The following SLCO4C1 variants were observed in gnomAD, a reference collection of about 807,000 sequenced individuals.
SLCO4C1 encodes solute carrier organic anion transporter family member 4C1.
SLCO4C1 carries 58 observed loss-of-function variants against 72.1 expected under a neutral mutation model. The ratio of observed to expected loss-of-function variants is 0.80; its 90% CI spans 0.65 to 1.00. The LOEUF (loss-of-function observed/expected upper bound fraction) is 1.00, where lower values mean the gene tolerates loss of function less well. Among genes scored for constraint, SLCO4C1 ranks in the 50% least tolerant of loss-of-function variants. The pLI is 0.00. For synonymous variants in SLCO4C1, 297 were observed against 312.5 expected (o/e 0.95, Z 0.52); for missense variants, 898 against 857.9 (o/e 1.05, Z -0.58).
At chr5:102,287,423 T>G (rs1749474690) in intron 2 of SLCO4C1, among the ~76,000 whole-genome samples, 2 of 151,546 alleles carry the variant, frequency 1.3e-5, no homozygotes, top group African/African-American at 4.8e-5. Flanking sequence ...TGAAAAACAA[T>G]AAACAAACCA....
intron 1 of SLCO4C1, 50 bp from the exon 2 acceptor site, chr5:102,291,656 T>A: frequency 6.9e-7 from 1 of 1,457,452 alleles, no homozygotes; most frequent in Non-Finnish European, 9.4e-7. Context: ...ACCATACGAT[T>A]AAGATTATTA....
intron 3 of SLCO4C1, among the ~76,000 whole-genome samples, chr5:102,269,421 G>A (rs1749107500): frequency 6.6e-6 from 1 of 151,964 alleles, no homozygotes. Context: ...TTCGTGGTCA[G>A]AAATTCTTTC....
chr5:102,243,828 A>G (rs571367194), intron 10 of SLCO4C1, among the ~76,000 whole-genome samples: 11 of 152,296 alleles, frequency 7.2e-5, no homozygotes, highest in African/African-American at 2.6e-4. Context: ...AGGAAACTCA[A>G]ATAAATTCAA....
At chr5:102,295,747 T>C (rs904800101) in intron 1 of SLCO4C1, among the ~76,000 whole-genome samples, 161 bp downstream of exon 1, 8 of 152,234 alleles carry the variant, frequency 5.3e-5, no homozygotes, top group Non-Finnish European at 1.2e-4. Context: ...GCCGGTAGGT[T>C]GACCTTGGTG....
intron 2 of SLCO4C1, among the ~76,000 whole-genome samples, chr5:102,274,335 T>C (rs1271195166): frequency 6.6e-6 from 1 of 152,176 alleles, no homozygotes; most frequent in African/African-American, 2.4e-5. Flanking sequence ...CTGTACCTAA[T>C]GAACAAAGAA....
Position 102,291,342 on chromosome 5 carries a change from C to A in SLCO4C1, c.619+1G>T. ...CAAACATAAACACAATAGAAACTTA[C>A]CTTCAAAAAGAGACCCCAATTTATA... On this transcript the variant is annotated splice_donor_variant, in intron 2 of 12. Transcript: ENST00000310954. LOFTEE classifies it high-confidence loss of function. 6.2e-7 allele frequency: 1 copy of A among 1,609,970 alleles called. No homozygotes were observed. The highest frequency in any genetic ancestry group is 8.5e-7 in the Non-Finnish European group (1 of 1,178,884).
At chr5:102,293,745 C>CT (rs34919695) in intron 1 of SLCO4C1, among the ~76,000 whole-genome samples, 45,990 of 151,720 alleles carry the variant, frequency 0.3, 7,755 homozygotes, top group East Asian at 0.54. Flanking sequence ...TATTATTATA[C>CT]TTTTTTTTGA....
rs978213340 is a variant in SLCO4C1 at position 102,235,338 on chromosome 5, C to G, written c.*1520G>C. The G allele has an allele frequency of 7.2e-5, 11 of 152,020 alleles. No individual in the cohort carries two copies. Among genetic ancestry groups the G allele is most frequent in the African/African-American group, 2.7e-4 (11 of 41,384 alleles). 9.4% of individuals were successfully genotyped at this position (152,020 alleles called of 1,614,324 possible). ...TGATGAATTTTATTAAATTAATAAC[C>G]CTTATAACAATTTCAAATGTAATAC... On this transcript the variant is annotated 3_prime_UTR_variant, in exon 13 of 13. Coordinates refer to ENST00000310954, the MANE Select transcript of SLCO4C1 (RefSeq NM_180991.5).
At chr5:102,253,918 C>T (rs1232080198) in intron 8 of SLCO4C1, among the ~76,000 whole-genome samples, 1 of 151,606 alleles carries the variant, frequency 6.6e-6, no homozygotes, top group Admixed American at 6.6e-5. Context: ...AACAAATCTG[C>T]ACATGTACCC....
intron 2 of SLCO4C1, among the ~76,000 whole-genome samples, chr5:102,289,829 C>G (rs946076575): frequency 2.6e-5 from 4 of 152,142 alleles, no homozygotes; most frequent in African/African-American, 9.7e-5. Flanking sequence ...TCCATTCATC[C>G]GCTTACATAT....
chr5:102,294,289 G>A (rs1434598674), intron 1 of SLCO4C1, among the ~76,000 whole-genome samples: 2 of 151,888 alleles, frequency 1.3e-5, no homozygotes, highest in South Asian at 2.1e-4. Flanking sequence ...CAACTGATCC[G>A]CCCGCCTCGG....
In SLCO4C1 at chr5:102,257,219, C is replaced by T. The variant is rs771489956; in HGVS notation, c.1365G>A (p.Lys455=). 1.9e-6 allele frequency: 3 copies of T among 1,611,440 alleles called. No individual in the cohort carries two copies. The highest frequency in any genetic ancestry group is 2.5e-6 in the Non-Finnish European group (3 of 1,178,974). ...KFRMTCKNTM[K]FALFTSGVAL... ...CAACTCCAGATGTGAACAGTGCAAA[C>T]TTCATTGTGTTTTTACATGTCATTC... Residue 455 remains lysine (K), a synonymous_variant, in exon 8 of 13, where the codon AAG becomes AAA. Coordinates refer to ENST00000310954, the MANE Select transcript of SLCO4C1 (RefSeq NM_180991.5).
intron 6 of SLCO4C1, 48 bp downstream of exon 6, chr5:102,260,165 T>C: frequency 2.2e-6 from 1 of 461,068 alleles, no homozygotes; most frequent in Non-Finnish European, 3.2e-6. Context: ...TGTGTATATG[T>C]GTGTGTGTAT....
In SLCO4C1 at chr5:102,291,555, C is replaced by T. The variant is rs200903205; in HGVS notation, c.407G>A (p.Arg136His). 4.2e-5 allele frequency: 67 copies of T among 1,613,868 alleles called. No individual in the cohort carries two copies. Among genetic ancestry groups the T allele is most frequent in the Non-Finnish European group, 5.3e-5 (62 of 1,179,896 alleles). The stretch of plus-strand genomic sequence containing the variant: ...AGTCAGGGAACTCTTCATTTCATAA[C>T]GCTTCTCAACAGTGGAAATGCTAAT... ...VNISISTVEKRYEMKSSLTGL... is the reference protein window; with the variant it reads ...VNISISTVEKHYEMKSSLTGL... Residue 136 changes from arginine (R) to histidine (H), a missense_variant, in exon 2 of 13, where the codon CGT (arginine) becomes CAT (histidine). Arg to His is a conservative substitution (Grantham distance 29, BLOSUM62 0). Transcript: ENST00000310954.
rs199703172 is a variant in SLCO4C1, at chr5:102,257,160, T to C, written c.1424A>G (p.Lys475Arg). Reference sequence around the variant, plus strand: ...ACCAGCAAATGGCTCATTTTCACATTTGGCATACATAAATACAAAACTCAG... The same window carrying C: ...ACCAGCAAATGGCTCATTTTCACATCTGGCATACATAAATACAAAACTCAG... ...LTLSFVFMYA[K>R]CENEPFAGVS... Residue 475 changes from lysine to arginine, a missense_variant, in exon 8 of 13, where the codon AAA becomes AGA. Lys to Arg is a conservative substitution (Grantham distance 26, BLOSUM62 2). Coordinates refer to ENST00000310954, the MANE Select transcript of SLCO4C1 (RefSeq NM_180991.5). 2.6e-5 allele frequency: 41 copies of C among 1,601,196 alleles called. No individual in the cohort carries two copies. Among genetic ancestry groups the C allele is most frequent in the Admixed American group, 1.6e-4 (9 of 57,270 alleles).
At chr5:102,283,563 A>G (rs1391784041) in intron 2 of SLCO4C1, among the ~76,000 whole-genome samples, 1 of 150,970 alleles carries the variant, frequency 6.6e-6, no homozygotes, top group Non-Finnish European at 1.5e-5. Flanking sequence ...CCTGCCACAA[A>G]CCACCAACCT....
intron 2 of SLCO4C1, among the ~76,000 whole-genome samples, chr5:102,274,665 G>A (rs1199233199): frequency 6.6e-6 from 1 of 152,180 alleles, no homozygotes; most frequent in African/African-American, 2.4e-5. Context: ...GGAGAGGGGA[G>A]TAAAGAAGCC....
At chr5:102,281,426 G>GA (rs1252168893) in intron 2 of SLCO4C1, among the ~76,000 whole-genome samples, 1 of 151,932 alleles carries the variant, frequency 6.6e-6, no homozygotes, top group Non-Finnish European at 1.5e-5. Flanking sequence ...TCTATAAAAG[G>GA]AAAAAACTGA....
intron 3 of SLCO4C1, among the ~76,000 whole-genome samples, chr5:102,266,618 C>T (rs1468160998): frequency 1.3e-5 from 2 of 151,936 alleles, no homozygotes; most frequent in Non-Finnish European, 2.9e-5. Flanking sequence ...CCACTGCACT[C>T]CAGCCTGGGT....
Sources: gnomAD v4.1 joint callset for allele counts (sites outside exome capture counted in the v4.1 genomes callset) on GRCh38, gnomAD v4.1.1 for gene constraint, MANE v1.5 for transcripts, NCBI Gene and HGNC (gene_info 2026-07-23, HGNC 2026-07-21) for gene names.